IFRD1: variants seen among roughly 807,000 people sequenced by gnomAD.
IFRD1 encodes interferon-related developmental regulator 1.
A neutral mutation model predicts 52.9 loss-of-function variants in IFRD1; 35 were observed. That is an observed-to-expected ratio of 0.66 (90% CI 0.51 to 0.88). IFRD1 has a LOEUF of 0.88. Ranked by LOEUF, IFRD1 falls within the 40% of genes least tolerant of loss-of-function variation. The pLI, the probability that IFRD1 is intolerant of heterozygous loss-of-function variation, is 0.00. For synonymous variants in IFRD1, 184 were observed against 188.4 expected, an observed-to-expected ratio of 0.98 and a Z score of 0.19; for missense variants, 517 against 550.8, an observed-to-expected ratio of 0.94 and a Z score of 0.61.
chr7:112,454,844 C>T (rs936456057), intron 1 of IFRD1, among the ~76,000 whole-genome samples: 1 of 138,312 alleles, frequency 7.2e-6, no homozygotes, highest in African/African-American at 2.6e-5. Context: ...ATAATTATTT[C>T]ATCTTCATAT....
At chr7:112,450,388 C>T, upstream of IFRD1, 2 of 448,836 alleles carry the variant, frequency 4.5e-6, no homozygotes, top group South Asian at 4.2e-5. Flanking sequence ...TTGGGAAGCG[C>T]TCAAGCCCCG....
intron 8 of IFRD1, among the ~76,000 whole-genome samples, chr7:112,463,863 C>CATATATATAT (rs1795532200): frequency 3.0e-5 from 1 of 33,078 alleles, no homozygotes; most frequent in Non-Finnish European, 6.8e-5. Flanking sequence ...TACACACACA[C>CATATATATAT]ACACACACAC....
Position 112,444,394 on chromosome 7 carries a change from C to T in IFRD1, c.-181-6114C>T, listed in dbSNP as rs575259684. Among the ~76,000 whole-genome samples, 19 of 152,194 alleles carry T rather than the reference C, an allele frequency of 1.2e-4. No individual in the cohort carries two copies. In the East Asian group the frequency reaches 2.7e-3, roughly 22 times the overall value. On this transcript the variant is annotated intron_variant, in intron 1 of 12. Coordinates refer to the IFRD1 transcript ENST00000005558. Reference sequence around the variant, plus strand: ...TTAAAGAGTTCTAACTAAATTTGCCCGCCGAATCATTTCTTAACAAACAGG... The same window carrying T: ...TTAAAGAGTTCTAACTAAATTTGCCTGCCGAATCATTTCTTAACAAACAGG...
At chr7:112,452,228 C>A in intron 1 of IFRD1, 1 of 544,124 alleles carries the variant, frequency 1.8e-6, no homozygotes, top group Non-Finnish European at 2.3e-6. Flanking sequence ...GTGGTGTGAT[C>A]ATAGCTCACT....
chr7:112,443,873 A>C (rs1460563445), intron 1 of IFRD1, among the ~76,000 whole-genome samples: 1 of 151,398 alleles, frequency 6.6e-6, no homozygotes, highest in East Asian at 1.9e-4. Context: ...AAAAAAAAAA[A>C]AAAACCCAAA....
chr7:112,468,204 A>T, intron 9 of IFRD1, 89 bp downstream of exon 9: 1 of 1,365,642 alleles, frequency 7.3e-7, no homozygotes, highest in Admixed American at 1.8e-5. Flanking sequence ...TTGTTGATTG[A>T]ATTTCACCTT....
upstream of IFRD1, among the ~76,000 whole-genome samples, chr7:112,448,483 AT>A (rs1795079557): frequency 6.6e-6 from 1 of 152,186 alleles, no homozygotes; most frequent in Non-Finnish European, 1.5e-5. Flanking sequence ...TATAAAAGTT[AT>A]TGAGTCTACA....
At chr7:112,462,765 C>G (rs893648918) in intron 8 of IFRD1, among the ~76,000 whole-genome samples, 3 of 152,078 alleles carry the variant, frequency 2.0e-5, no homozygotes, top group Non-Finnish European at 1.5e-5. Flanking sequence ...AATATTAAGT[C>G]AGCATAGGTT....
At chr7:112,453,671 TAG>T (rs1795219709) in intron 1 of IFRD1, among the ~76,000 whole-genome samples, 1 of 152,178 alleles carries the variant, frequency 6.6e-6, no homozygotes, top group African/African-American at 2.4e-5. Flanking sequence ...GATCCAGAAA[TAG>T]AGTGTGATGT....
rs1795766671 is a variant in IFRD1 at position 112,472,207 on chromosome 7, TC to T, written c.1042-10del. 6.2e-7 allele frequency: 1 copy of T among 1,613,886 alleles called. No homozygotes were observed. Among genetic ancestry groups the T allele is most frequent in the Non-Finnish European group, 8.5e-7 (1 of 1,179,808 alleles). The stretch of plus-strand genomic sequence containing the variant: ...TAGTGCCTGTGGTAATTTTGGTTCT[TC>T]CATTGGTTAGGAACGGGATTTTCCA... On this transcript the variant is annotated splice_polypyrimidine_tract_variant and intron_variant, in intron 9 of 11. Coordinates refer to ENST00000403825, the MANE Select transcript of IFRD1 (RefSeq NM_001550.4).
chr7:112,472,160 A>G (rs1177001197), intron 9 of IFRD1, 59 bp from the exon 10 acceptor site: 17 of 1,578,364 alleles, frequency 1.1e-5, no homozygotes, highest in Non-Finnish European at 1.4e-5. Context: ...TTGTGTTTAC[A>G]TAAGATCCCT....
intron 2 of IFRD1, 56 bp from the exon 3 acceptor site, chr7:112,455,943 CTAT>C: frequency 7.0e-7 from 1 of 1,432,974 alleles, no homozygotes; most frequent in Non-Finnish European, 9.8e-7. Context: ...CTAAAGTATA[CTAT>C]TATTCCCTGT....
At chr7:112,452,320 C>T (rs369309352) in intron 1 of IFRD1, 7 of 330,516 alleles carry the variant, frequency 2.1e-5, no homozygotes, top group Non-Finnish European at 2.6e-5. Context: ...GACACCATTC[C>T]TGGCTATTTT....
intron 5 of IFRD1, among the ~76,000 whole-genome samples, chr7:112,459,422 A>T (rs535515221): frequency 3.0e-4 from 46 of 152,210 alleles, no homozygotes; most frequent in African/African-American, 9.6e-4. Flanking sequence ...GTAATAAGTG[A>T]TACAAGTGAT....
At chr7:112,469,404 T>C (rs3807206) in intron 9 of IFRD1, among the ~76,000 whole-genome samples, 70,432 of 151,966 alleles carry the variant, frequency 0.46, 16,781 homozygotes, top group Non-Finnish European at 0.51. Flanking sequence ...ATTTTATATT[T>C]ACTCTGGATT....
At position 112,443,862 on chromosome 7, in the gene IFRD1, C is replaced by CAA. The variant is rs34476872; in HGVS notation, c.-181-6632_-181-6631dup. On this transcript the variant is annotated intron_variant, in intron 1 of 12. Transcript: ENST00000005558. ...GGGTGACAAGAGTGAAACTCTGTTT[C>CAA]AAAAAAAAAAAAAAACCCAAAAAAC... Among the ~76,000 whole-genome samples, 157 of 103,560 alleles carry CAA rather than the reference C, an allele frequency of 1.5e-3. 1 individual carries two copies. In the East Asian group the frequency reaches 0.021, roughly 14 times the overall value. 67.9% of individuals were successfully genotyped at this position (103,560 alleles called of 152,430 possible). A position where few individuals can be genotyped will look rare whatever the true frequency, so the allele number is the denominator to read the frequency against.
chr7:112,435,857 A>G (rs2117238926), intron 1 of IFRD1, among the ~76,000 whole-genome samples: 1 of 151,280 alleles, frequency 6.6e-6, no homozygotes, highest in Non-Finnish European at 1.5e-5. Context: ...TAATCTATCA[A>G]TATTTTTCTT....
intron 9 of IFRD1, among the ~76,000 whole-genome samples, chr7:112,469,844 C>A (rs1214420691): frequency 6.6e-6 from 1 of 152,132 alleles, no homozygotes; most frequent in African/African-American, 2.4e-5. Context: ...ACCCGCCCAC[C>A]TTCTTTTCTT....
upstream of IFRD1, among the ~76,000 whole-genome samples, chr7:112,447,179 C>A (rs541289411): frequency 6.6e-6 from 1 of 152,306 alleles, no homozygotes; most frequent in South Asian, 2.1e-4. Flanking sequence ...TCTTCTCAGG[C>A]GTGCCCCTAA....
Sources: gnomAD v4.1 joint callset for allele counts (sites outside exome capture counted in the v4.1 genomes callset) on GRCh38, gnomAD v4.1.1 for gene constraint, MANE v1.5 for transcripts, NCBI Gene and HGNC (gene_info 2026-07-23, HGNC 2026-07-21) for gene names.